ARHGAP29: variants seen among roughly 807,000 people sequenced by gnomAD.
ARHGAP29 encodes rho GTPase-activating protein 29.
ARHGAP29 carries 43 observed loss-of-function variants against 122.6 expected under a neutral mutation model. That is an observed-to-expected ratio of 0.35 (90% confidence interval 0.27 to 0.45). The LOEUF (loss-of-function observed/expected upper bound fraction) is 0.45, where lower values mean the gene tolerates loss of function less well. Ranked by LOEUF, ARHGAP29 falls within the 20% of genes least tolerant of loss-of-function variation. The probability of loss-of-function intolerance (pLI) is 1.00; values close to 1 mark genes in which losing one functional copy is unlikely to be tolerated. For synonymous variants in ARHGAP29, 506 were observed against 497.1 expected (o/e 1.02, Z -0.24); for missense variants, 1,303 against 1,477.2 (o/e 0.88, Z 1.93).
the ARHGAP29 span, chr1:94,302,583 G>C: frequency 2.4e-5 from 9 of 368,122 alleles, 1 homozygote; most frequent in East Asian, 7.8e-4. Flanking sequence ...GACTCTCATG[G>C]CCCCTCTGGG....
the ARHGAP29 span, among the ~76,000 whole-genome samples, chr1:94,284,525 G>C: frequency 6.6e-6 from 1 of 152,216 alleles, no homozygotes; most frequent in Non-Finnish European, 1.5e-5. Context: ...GAGCAGAAAT[G>C]ATGTGTGTTA....
intron 1 of ARHGAP29, among the ~76,000 whole-genome samples, chr1:94,244,520 C>T (rs1653719315): frequency 6.6e-6 from 1 of 151,878 alleles, no homozygotes. Flanking sequence ...AGGTTTTCTC[C>T]TTAAGATCAG....
At chr1:94,206,882 C>T (rs1051704116) in intron 5 of ARHGAP29, among the ~76,000 whole-genome samples, 6 of 150,308 alleles carry the variant, frequency 4.0e-5, no homozygotes, top group African/African-American at 1.5e-4. Flanking sequence ...TGAAGGAGTT[C>T]TCACTCTGTC....
chr1:94,228,955 T>G (rs1652773963), intron 2 of ARHGAP29, among the ~76,000 whole-genome samples: 1 of 151,874 alleles, frequency 6.6e-6, no homozygotes, highest in South Asian at 2.1e-4. Flanking sequence ...TTCTTTATTC[T>G]TAAGAGCTGC....
chr1:94,289,839 A>T, the ARHGAP29 span, among the ~76,000 whole-genome samples: 2 of 152,216 alleles, frequency 1.3e-5, no homozygotes, highest in South Asian at 4.1e-4. Context: ...CCAGGGATGA[A>T]GACAACTTGA....
intron 15 of ARHGAP29, among the ~76,000 whole-genome samples, chr1:94,187,691 C>T (rs539347931): frequency 6.6e-6 from 1 of 152,200 alleles, no homozygotes; most frequent in East Asian, 1.9e-4. Context: ...TAAAATTTTG[C>T]CTTTACCACA....
chr1:94,291,925 G>A, the ARHGAP29 span, among the ~76,000 whole-genome samples: 2 of 152,076 alleles, frequency 1.3e-5, no homozygotes, highest in East Asian at 3.9e-4. Flanking sequence ...TGACAATTTT[G>A]TGTCTTGGGG....
chr1:94,180,883 G>T (rs17111206), intron 19 of ARHGAP29, among the ~76,000 whole-genome samples: 1 of 152,006 alleles, frequency 6.6e-6, no homozygotes, highest in South Asian at 2.1e-4. Flanking sequence ...CTCCTTGCCT[G>T]GCTAGAAGAA....
chr1:94,279,213 A>C (rs1655277197), upstream of ARHGAP29, among the ~76,000 whole-genome samples: 1 of 152,166 alleles, frequency 6.6e-6, no homozygotes, highest in Admixed American at 6.5e-5. Context: ...CCAGATGGTT[A>C]ATCTCCAGCA....
Position 94,179,960 on chromosome 1 carries a change from A to G in ARHGAP29, c.2248-3T>C, listed in dbSNP as rs759155682. ...AATAAAATAAATGGTTCTGGGAGCT[A>G]AAGAAATAAAATTACATTGGGGTAA... is the stretch of plus-strand genomic sequence containing the variant. On this transcript the variant is annotated splice_region_variant and splice_polypyrimidine_tract_variant and intron_variant, in intron 19 of 22. Transcript: ENST00000260526. 4 of 1,577,186 alleles carry G rather than the reference A, an allele frequency of 2.5e-6. No homozygotes were observed. The highest frequency in any genetic ancestry group is 2.6e-6 in the Non-Finnish European group (3 of 1,164,700).
At chr1:94,310,994 C>A in the ARHGAP29 span, among the ~76,000 whole-genome samples, 1 of 152,210 alleles carries the variant, frequency 6.6e-6, no homozygotes, top group African/African-American at 2.4e-5. Context: ...GATGGAATAA[C>A]ATACCTGATT....
chr1:94,218,466 T>G (rs1191827377), intron 3 of ARHGAP29, among the ~76,000 whole-genome samples: 1 of 152,220 alleles, frequency 6.6e-6, no homozygotes. Context: ...GTTTCTGGAA[T>G]GTGGACACCA....
the ARHGAP29 span, among the ~76,000 whole-genome samples, chr1:94,289,570 G>A: frequency 0.032 from 4,864 of 152,192 alleles, 113 homozygotes; most frequent in Non-Finnish European, 0.046. Context: ...GTCTGCTGTC[G>A]GTTTTCAAAG....
intron 1 of ARHGAP29, 123 bp from the exon 2 acceptor site, chr1:94,231,766 CTA>C: frequency 1.5e-6 from 1 of 675,992 alleles, no homozygotes. Context: ...CCTTGGTATC[CTA>C]TTTTTAAATT....
Position 94,205,071 on chromosome 1 carries a change from C to CA in ARHGAP29, c.686_687insT (p.Lys229AsnfsTer3). Reference sequence around the variant, plus strand: ...TAAAAGGCAACTCACCCAAGTTAAGCTTTTTTTCAACCCATGAAACTATGT... The same window carrying CA: ...TAAAAGGCAACTCACCCAAGTTAAGCATTTTTTTCAACCCATGAAACTATGT... On this transcript the variant is annotated frameshift_variant, in exon 7 of 23. Transcript: ENST00000260526. LOFTEE classifies it high-confidence loss of function. 6.4e-7 allele frequency: 1 copy of CA among 1,562,852 alleles called. No homozygotes were observed.
intron 2 of ARHGAP29, among the ~76,000 whole-genome samples, chr1:94,223,100 C>G (rs1268789789): frequency 6.6e-6 from 1 of 152,124 alleles, no homozygotes; most frequent in African/African-American, 2.4e-5. Flanking sequence ...CCCGCCACCA[C>G]ACCCAGCTAA....
rs1363098392 is a variant in ARHGAP29 at position 94,169,674 on chromosome 1, C to A, written c.*4195G>T. On this transcript the variant is annotated 3_prime_UTR_variant, in exon 23 of 23. Coordinates refer to ENST00000260526, the MANE Select transcript of ARHGAP29 (RefSeq NM_004815.4). ...AGCTGTTCACCAATAAGACAGTGAG[C>A]CTTTCTCAGGTCTTCATTTCCATAT... Among the ~76,000 whole-genome samples, 1 of 152,130 alleles carries A rather than the reference C, an allele frequency of 6.6e-6. No individual in the cohort carries two copies. Among genetic ancestry groups the A allele is most frequent in the African/African-American group, 2.4e-5 (1 of 41,422 alleles).
rs950273938 is a variant in ARHGAP29 at position 94,237,421 on chromosome 1, G to C, written c.-39C>G. On this transcript the variant is annotated 5_prime_UTR_variant, in exon 1 of 23. Coordinates refer to ENST00000260526, the MANE Select transcript of ARHGAP29 (RefSeq NM_004815.4). ...GCCACCTCCTCACACTCACCACGGCGCTCCATCTCGCGTGCCGGACGCGGA... is the reference window on the plus strand; with the variant it reads ...GCCACCTCCTCACACTCACCACGGCCCTCCATCTCGCGTGCCGGACGCGGA... The C allele has an allele frequency of 1.0e-6, 1 of 986,680 alleles. No homozygotes were observed. The highest frequency in any genetic ancestry group is 1.2e-6 in the Non-Finnish European group (1 of 830,668). The allele number at this position is 986,680 out of a possible 1,614,324, so 61.1% of individuals were successfully genotyped here.
At chr1:94,294,202 T>C in the ARHGAP29 span, among the ~76,000 whole-genome samples, 1 of 152,240 alleles carries the variant, frequency 6.6e-6, no homozygotes, top group Admixed American at 6.5e-5. Context: ...TTGGAACATA[T>C]TGAGTTGTGG....
Sources: allele counts gnomAD v4.1 joint callset (sites outside exome capture counted in the v4.1 genomes callset), GRCh38; gene constraint gnomAD v4.1.1; transcripts MANE v1.5; gene names NCBI Gene and HGNC (gene_info 2026-07-23, HGNC 2026-07-21).